MAGI2: variants seen among roughly 807,000 people sequenced by gnomAD.
MAGI2 encodes membrane associated guanylate kinase, WW and PDZ domain containing 2.
MAGI2 carries 35 observed loss-of-function variants against 133.3 expected under a neutral mutation model. The ratio of observed to expected loss-of-function variants is 0.26; its 90% CI spans 0.20 to 0.35. The LOEUF (loss-of-function observed/expected upper bound fraction) is 0.35, where lower values mean the gene tolerates loss of function less well. Among genes scored for constraint, MAGI2 ranks in the 10% least tolerant of loss-of-function variants. The pLI, the probability that MAGI2 is intolerant of heterozygous loss-of-function variation, is 1.00. For synonymous variants in MAGI2, 729 were observed against 710.6 expected, an observed-to-expected ratio of 1.03 and a Z score of -0.41; for missense variants, 1,636 against 1,863.4, an observed-to-expected ratio of 0.88 and a Z score of 2.25.
At chr7:78,687,374 A>C (rs969975602) in intron 2 of MAGI2, among the ~76,000 whole-genome samples, 1 of 152,228 alleles carries the variant, frequency 6.6e-6, no homozygotes, top group African/African-American at 2.4e-5. Flanking sequence ...GTATTTTAAA[A>C]TACATGTGTG....
chr7:78,687,445 TG>T (rs1186281908), intron 2 of MAGI2, among the ~76,000 whole-genome samples: 2 of 152,166 alleles, frequency 1.3e-5, no homozygotes, highest in African/African-American at 4.8e-5. Flanking sequence ...AAATTGGAAA[TG>T]CTAGGCATAA....
At chr7:78,840,818 A>G (rs1018082968) in intron 2 of MAGI2, among the ~76,000 whole-genome samples, 2 of 132,256 alleles carry the variant, frequency 1.5e-5, no homozygotes, top group African/African-American at 5.5e-5. Context: ...GCAAATTATT[A>G]AAACTTTCTG....
At chr7:78,086,512 C>T (rs867222149) in intron 20 of MAGI2, among the ~76,000 whole-genome samples, 1 of 151,550 alleles carries the variant, frequency 6.6e-6, no homozygotes, top group African/African-American at 2.4e-5. Flanking sequence ...GCTGGGATTA[C>T]AGGTGTAAGG....
chr7:78,070,574 G>A (rs367898546), intron 21 of MAGI2, among the ~76,000 whole-genome samples: 3 of 68,610 alleles, frequency 4.4e-5, no homozygotes, highest in South Asian at 5.3e-4. Context: ...ATATATGTGT[G>A]TATATATGTG....
Position 79,214,399 on chromosome 7 carries a change from CTCTCTCTCTATATATATATATATATA to C in MAGI2, c.302-207219_302-207194del, listed in dbSNP as rs1218571807. ...TCTCTCTCTCTCTCTCTCTCTCTCTCTCTCTCTCTATATATATATATATATATATATATATATATATATAAATATGC... is the reference window on the plus strand; with the variant it reads ...TCTCTCTCTCTCTCTCTCTCTCTCTCTATATATATATATATATAAATATGC... On this transcript the variant is annotated intron_variant, in intron 1 of 21. Transcript: ENST00000354212. 1.2e-4 allele frequency among the ~76,000 whole-genome samples: 9 copies of C among 72,166 alleles called. No homozygotes were observed. In the East Asian group the frequency reaches 3.7e-3, roughly 30 times the overall value. 47.3% of individuals were successfully genotyped at this position (72,166 alleles called of 152,430 possible). A position where few individuals can be genotyped will look rare whatever the true frequency, so the allele number is the denominator to read the frequency against.
At chr7:79,047,470 A>C (rs1480077510) in intron 1 of MAGI2, among the ~76,000 whole-genome samples, 1 of 152,144 alleles carries the variant, frequency 6.6e-6, no homozygotes, top group South Asian at 2.1e-4. Context: ...TGGAAATATA[A>C]ATGCTATAAG....
chr7:78,619,727 T>C (rs781241246), intron 3 of MAGI2, among the ~76,000 whole-genome samples: 1 of 151,902 alleles, frequency 6.6e-6, no homozygotes, highest in Non-Finnish European at 1.5e-5. Context: ...CAACATAGCA[T>C]GCAAAAACCG....
chr7:78,231,125 G>A (rs1015484220), intron 10 of MAGI2, among the ~76,000 whole-genome samples: 2 of 152,178 alleles, frequency 1.3e-5, no homozygotes, highest in African/African-American at 4.8e-5. Context: ...GATTCAATAG[G>A]GTCTAAAGTG....
At chr7:79,131,285 T>C (rs73369375) in intron 1 of MAGI2, among the ~76,000 whole-genome samples, 6,598 of 152,224 alleles carry the variant, frequency 0.043, 214 homozygotes, top group African/African-American at 0.085. Flanking sequence ...TGTTAAGAGA[T>C]TGAATGATAA....
intron 20 of MAGI2, among the ~76,000 whole-genome samples, chr7:78,081,625 T>G (rs906347018): frequency 1.3e-5 from 2 of 152,166 alleles, no homozygotes; most frequent in African/African-American, 4.8e-5. Flanking sequence ...ATGTAAAGGC[T>G]GCAAAGTTTG....
At position 78,122,397 on chromosome 7, in the gene MAGI2, TA is replaced by T. The variant is rs200413222; in HGVS notation, c.3567+3296del. ...ATTTCAGGGAATGTTGCTTTTCCTT[TA>T]AAAAAAAGATGGGCAAATGATATTT... is the stretch of plus-strand genomic sequence containing the variant. On this transcript the variant is annotated intron_variant, in intron 20 of 21. Transcript: ENST00000354212. Among the ~76,000 whole-genome samples the T allele has an allele frequency of 6.8e-3, 1,034 of 152,062 alleles. 14 individuals carry two copies. Among genetic ancestry groups the T allele is most frequent in the African/African-American group, 0.024 (986 of 41,512 alleles).
intron 2 of MAGI2, among the ~76,000 whole-genome samples, chr7:78,685,261 T>C (rs145665122): frequency 6.6e-6 from 1 of 152,208 alleles, no homozygotes; most frequent in Admixed American, 6.5e-5. Flanking sequence ...CCAAGAGCTG[T>C]CCTTTTTGTT....
chr7:78,132,356 T>TA (rs1359773880), intron 18 of MAGI2, among the ~76,000 whole-genome samples: 1 of 152,200 alleles, frequency 6.6e-6, no homozygotes, highest in African/African-American at 2.4e-5. Context: ...GAGGCCTTCT[T>TA]ATAAAGCAAA....
chr7:78,040,185 C>G (rs998085600), intron 21 of MAGI2, among the ~76,000 whole-genome samples: 1 of 152,246 alleles, frequency 6.6e-6, no homozygotes, highest in African/African-American at 2.4e-5. Flanking sequence ...TGGGGCGCCC[C>G]TCTGGGGCTT....
At chr7:79,143,131 G>T (rs181106955) in intron 1 of MAGI2, among the ~76,000 whole-genome samples, 64 of 152,214 alleles carry the variant, frequency 4.2e-4, no homozygotes, top group African/African-American at 1.5e-3. Flanking sequence ...AATGTTTGTG[G>T]TAAGTTGTGT....
At chr7:79,383,705 T>C (rs1843971004) in intron 1 of MAGI2, among the ~76,000 whole-genome samples, 1 of 151,530 alleles carries the variant, frequency 6.6e-6, no homozygotes, top group Admixed American at 6.6e-5. Context: ...TATTAGGAAA[T>C]CTGTTAATAG....
At chr7:78,889,708 T>A (rs1179144095) in intron 2 of MAGI2, among the ~76,000 whole-genome samples, 1 of 152,146 alleles carries the variant, frequency 6.6e-6, no homozygotes, top group Non-Finnish European at 1.5e-5. Flanking sequence ...AGGCCTGCCC[T>A]AAAAGACCTC....
intron 1 of MAGI2, among the ~76,000 whole-genome samples, chr7:79,194,945 T>G (rs1196329509): frequency 6.6e-6 from 1 of 151,992 alleles, no homozygotes; most frequent in Non-Finnish European, 1.5e-5. Flanking sequence ...ATGAAGTTAT[T>G]ATAACATTTT....
chr7:78,957,200 G>A (rs1167811035), intron 2 of MAGI2, among the ~76,000 whole-genome samples: 2 of 149,586 alleles, frequency 1.3e-5, no homozygotes, highest in African/African-American at 2.5e-5. Context: ...GGGAGGCAGA[G>A]GTTGCAGTCA....
Sources: allele counts gnomAD v4.1 joint callset (sites outside exome capture counted in the v4.1 genomes callset), GRCh38; gene constraint gnomAD v4.1.1; transcripts MANE v1.5; gene names NCBI Gene and HGNC (gene_info 2026-07-23, HGNC 2026-07-21).